Variants in DNAH17 observed in about 807,000 individuals in gnomAD.
The protein encoded by DNAH17 is axonemal beta dynein heavy chain 17.
In DNAH17, 376 loss-of-function variants were observed where a neutral mutation model predicts 485.6. The observed-to-expected ratio is 0.77, with a 90% CI of 0.71 to 0.84. The LOEUF is 0.84. Ranked by LOEUF, DNAH17 falls within the 40% of genes least tolerant of loss-of-function variation. DNAH17 has a pLI of 0.00. For synonymous variants in DNAH17, 3,031 were observed against 2,405.9 expected, an observed-to-expected ratio of 1.26 and a Z score of -7.60; for missense variants, 6,370 against 5,839.3, an observed-to-expected ratio of 1.09 and a Z score of -2.96.
chr17:78,552,372 GCTGTGCATGCT>G (rs776301235), intron 15 of DNAH17, among the ~76,000 whole-genome samples: 2 of 152,194 alleles, frequency 1.3e-5, no homozygotes, highest in Non-Finnish European at 2.9e-5. Context: ...CTGCTCACCA[GCTGTGCATGCT>G]CTGTGCATGC....
intron 49 of DNAH17, 65 bp from the exon 50 acceptor site, chr17:78,479,697 A>G (rs2089264331): frequency 1.3e-6 from 2 of 1,597,050 alleles, no homozygotes; most frequent in Admixed American, 1.7e-5. Context: ...GGCCAGGGCC[A>G]CCTTCGCGGG....
chr17:78,564,705 T>G (rs957623887), intron 11 of DNAH17, among the ~76,000 whole-genome samples: 1 of 152,184 alleles, frequency 6.6e-6, no homozygotes, highest in Non-Finnish European at 1.5e-5. Flanking sequence ...CAGGAAATAC[T>G]CAGAAGCGCC....
At chr17:78,455,917 T>A in intron 62 of DNAH17, 81 bp from the exon 63 acceptor site, 1 of 1,211,154 alleles carries the variant, frequency 8.3e-7, no homozygotes, top group Admixed American at 3.4e-5. Context: ...TCTGCACCTC[T>A]GTGAATCTTC....
intron 20 of DNAH17, among the ~76,000 whole-genome samples, chr17:78,531,667 T>G (rs2091242471): frequency 6.6e-6 from 1 of 152,242 alleles, no homozygotes; most frequent in African/African-American, 2.4e-5. Flanking sequence ...CTGATGTAAC[T>G]ATAGTTATTC....
Position 78,566,982 on chromosome 17 carries a change from C to A in DNAH17, c.1452+17G>T, listed in dbSNP as rs777216689. ...TCTCACCGAGTCCAGTTCATCCAAC[C>A]CTGCCCGAGGACCTACCGAGTCTCC... On this transcript the variant is annotated intron_variant, in intron 10 of 80. Transcript: ENST00000389840. 8.2e-5 allele frequency: 131 copies of A among 1,600,120 alleles called. 1 individual carries two copies. In the South Asian group the frequency reaches 1.4e-3, roughly 17 times the overall value.
rs115939875 is a variant in DNAH17 at position 78,485,251 on chromosome 17, T to C, written c.7484-218A>G. 740 of 653,882 alleles carry C rather than the reference T, an allele frequency of 1.1e-3. 5 individuals are homozygous for C. The African/African-American group carries it at 0.012, about 11-fold the overall frequency. The allele number at this position is 653,882 out of a possible 1,614,324, so 40.5% of individuals were successfully genotyped here. ...ATCAGAGGCGAGGGTGGCAGGAACC[T>C]TGCTCTCCGTCACCTTTGGGTCGCC... On this transcript the variant is annotated intron_variant, in intron 47 of 80. Transcript: ENST00000389840.
At chr17:78,454,955 G>A (rs929421621) in intron 63 of DNAH17, among the ~76,000 whole-genome samples, 5 of 151,992 alleles carry the variant, frequency 3.3e-5, no homozygotes, top group Non-Finnish European at 7.4e-5. Context: ...TGTCACCCAG[G>A]CTGGAGTGCA....
Position 78,529,626 on chromosome 17 carries a change from T to TC in DNAH17, c.3352dup (p.Asp1118GlyfsTer3), listed in dbSNP as rs1568203365. ...CATCACCTCCACAAGCCCATCATAG[T>TC]CCCCCTCCTTGAGGGGCTTGGTCAA... On this transcript the variant is annotated frameshift_variant, in exon 22 of 81. Transcript: ENST00000389840. LOFTEE classifies it high-confidence loss of function. The TC allele has an allele frequency of 9.3e-6, 15 of 1,613,600 alleles. No individual in the cohort carries two copies. The highest frequency in any genetic ancestry group is 2.7e-5 in the African/African-American group (2 of 74,818).
chr17:78,432,178 A>G (rs2086697378), intron 75 of DNAH17, among the ~76,000 whole-genome samples: 1 of 146,950 alleles, frequency 6.8e-6, no homozygotes, highest in Admixed American at 7.1e-5. Context: ...GCCCTGTCTC[A>G]AAAATAAATA....
chr17:78,462,825 G>A lies in DNAH17; in HGVS notation c.9174+19C>T, dbSNP rs764603629. 36 of 1,612,992 alleles carry A rather than the reference G, an allele frequency of 2.2e-5. No individual in the cohort carries two copies. The South Asian group carries it at 3.5e-4, about 16-fold the overall frequency. ...CCAGGGAACGGCACAGGAGCTGGCA[G>A]CCAGCCCCCCTCTCCTACCTGGGAA... is the stretch of plus-strand genomic sequence containing the variant. On this transcript the variant is annotated intron_variant, in intron 57 of 80. Coordinates refer to ENST00000389840, the MANE Select transcript of DNAH17 (RefSeq NM_173628.4).
Position 78,574,981 on chromosome 17 carries a change from T to G in DNAH17, c.77A>C (p.Lys26Thr). 1 of 1,613,992 alleles carries G rather than the reference T, an allele frequency of 6.2e-7. No individual in the cohort carries two copies. Among genetic ancestry groups the G allele is most frequent in the South Asian group, 1.1e-5 (1 of 91,078 alleles). ...CTCGGCGCCTATCAGCTTGCTCCAC[T>G]TGTCCGGCTTGAACTTCAGGACGAT... Reference protein sequence around the residue: ...ASIVLKFKPDKWSKLIGAEEN... With the variant: ...ASIVLKFKPDTWSKLIGAEEN... Residue 26 changes from lysine to threonine, a missense_variant, in exon 2 of 81, where the codon AAG (lysine) becomes ACG (threonine). Lys to Thr is a moderately conservative substitution (Grantham distance 78). Coordinates refer to ENST00000389840, the MANE Select transcript of DNAH17 (RefSeq NM_173628.4).
intron 69 of DNAH17, among the ~76,000 whole-genome samples, chr17:78,448,626 G>A (rs1463559973): frequency 6.6e-6 from 1 of 152,210 alleles, no homozygotes; most frequent in Non-Finnish European, 1.5e-5. Context: ...TGGTTTGAAT[G>A]TGTTCCCCAA....
rs1383364434 is a variant in DNAH17 at position 78,455,758 on chromosome 17, C to T, written c.10056G>A (p.Leu3352=). The T allele has an allele frequency of 1.2e-6, 2 of 1,613,428 alleles. No individual in the cohort carries two copies. The highest frequency in any genetic ancestry group is 1.7e-6 in the Non-Finnish European group (2 of 1,179,728). ...VENFRSQGVT[L]CGDVLLISAF... ...CAGAGATGAGCAGGACGTCCCCACA[C>T]AGCGTGACCCCCTGGCTCCTGAAGT... The change falls in exon 63 of 81, where the codon CTG becomes CTA. Residue 3352 remains leucine (L), a synonymous_variant. Coordinates refer to ENST00000389840, the MANE Select transcript of DNAH17 (RefSeq NM_173628.4).
Position 78,572,711 on chromosome 17 carries a change from A to G in DNAH17, c.529T>C (p.Ser177Pro). Residue 177 changes from serine (S) to proline (P), a missense_variant, in exon 3 of 81, where the codon TCC (serine) becomes CCC (proline). Physicochemically the swap from Ser to Pro is moderately conservative, Grantham distance 74. Transcript: ENST00000389840. ...HLGSLDGTLESMERIPSSLDN... is the reference protein window; with the variant it reads ...HLGSLDGTLEPMERIPSSLDN... ...GCTGGGCCCACACACCTCTCCATGG[A>G]CTCCAGCGTGCCATCCAGGCTGCCC... 1 of 1,605,662 alleles carries G rather than the reference A, an allele frequency of 6.2e-7. No homozygotes were observed. Among genetic ancestry groups the G allele is most frequent in the East Asian group, 2.2e-5 (1 of 44,572 alleles).
At chr17:78,478,790 T>G (rs2089220045) in intron 51 of DNAH17, 1 of 493,664 alleles carries the variant, frequency 2.0e-6, no homozygotes, top group Non-Finnish European at 3.6e-6. Flanking sequence ...ACTATCATCA[T>G]AACCATCACT....
chr17:78,497,551 G>A (rs111387691), intron 37 of DNAH17, among the ~76,000 whole-genome samples: 2 of 152,346 alleles, frequency 1.3e-5, no homozygotes, highest in African/African-American at 4.8e-5. Context: ...CATGGACGTC[G>A]GAGGTGCTCA....
intron 43 of DNAH17, among the ~76,000 whole-genome samples, chr17:78,491,055 G>GAGGGCTGCAGCATGGAGTC (rs1309872306): frequency 2.0e-5 from 3 of 152,202 alleles, no homozygotes; most frequent in Admixed American, 6.5e-5. Flanking sequence ...CCCACACCGT[G>GAGGGCTGCAGCATGGAGTC]AGGGCTGCAG....
intron 19 of DNAH17, among the ~76,000 whole-genome samples, chr17:78,534,981 C>A (rs568566179): frequency 4.0e-4 from 61 of 152,330 alleles, no homozygotes; most frequent in African/African-American, 1.3e-3. Context: ...AGATGCCTGA[C>A]TCTCTCATTG....
At chr17:78,553,967 T>A (rs1304238163) in intron 14 of DNAH17, among the ~76,000 whole-genome samples, 3 of 152,154 alleles carry the variant, frequency 2.0e-5, no homozygotes, top group African/African-American at 7.2e-5. Context: ...TCAAAATCTT[T>A]TTTTTAATAT....
Sources: gnomAD v4.1 joint callset for allele counts (sites outside exome capture counted in the v4.1 genomes callset) on GRCh38, gnomAD v4.1.1 for gene constraint, MANE v1.5 for transcripts, NCBI Gene and HGNC (gene_info 2026-07-23, HGNC 2026-07-21) for gene names.